The following ITGB3 variants were observed in gnomAD, a reference collection of about 807,000 sequenced individuals.
The protein encoded by ITGB3 is integrin subunit beta 3, also known as integrin beta-3.
In ITGB3, 48 loss-of-function variants were observed where a neutral mutation model predicts 85.8. The ratio of observed to expected loss-of-function variants is 0.56; its 90% CI spans 0.44 to 0.71. The LOEUF (loss-of-function observed/expected upper bound fraction) is 0.71, where lower values mean the gene tolerates loss of function less well. Ranked by LOEUF, ITGB3 falls within the 30% of genes least tolerant of loss-of-function variation. ITGB3 has a pLI of 0.00. For missense variants in ITGB3, 861 were observed against 1,019.1 expected (o/e 0.84, Z 2.11); for synonymous variants, 363 against 395.6 (o/e 0.92, Z 0.98).
At chr17:47,261,525 T>C (rs928522996) in intron 1 of ITGB3, among the ~76,000 whole-genome samples, 1 of 150,090 alleles carries the variant, frequency 6.7e-6, no homozygotes, top group Non-Finnish European at 1.5e-5. Context: ...TTGTCTTTTT[T>C]TTTTTTTTTT....
intron 13 of ITGB3, chr17:47,305,656 C>T (rs1465118116): frequency 6.6e-6 from 1 of 152,138 alleles, no homozygotes; most frequent in Admixed American, 6.5e-5. Flanking sequence ...TTTTAGATGA[C>T]TAAGTATTTT....
intron 14 of ITGB3, among the ~76,000 whole-genome samples, chr17:47,309,466 C>T (rs552024964): frequency 5.4e-4 from 83 of 152,304 alleles, no homozygotes; most frequent in African/African-American, 1.7e-3. Context: ...TCCACATCTC[C>T]TATCACTGTC....
chr17:47,277,278 G>A (rs1034114459), intron 2 of ITGB3, among the ~76,000 whole-genome samples: 2 of 152,142 alleles, frequency 1.3e-5, no homozygotes, highest in African/African-American at 4.8e-5. Context: ...TGCCTGAGGT[G>A]CTTGTTAAAA....
chr17:47,309,228 T>TC (rs915651783), intron 14 of ITGB3, among the ~76,000 whole-genome samples: 1 of 151,436 alleles, frequency 6.6e-6, no homozygotes, highest in African/African-American at 2.4e-5. Context: ...TGTATTTTTT[T>TC]CCCTTGTAGA....
chr17:47,274,611 T>C (rs1261772168), intron 2 of ITGB3, 107 bp downstream of exon 2: 11 of 933,786 alleles, frequency 1.2e-5, no homozygotes, highest in Non-Finnish European at 1.9e-5. Context: ...ATGCCCCTTA[T>C]CCCTTCTAAG....
In ITGB3 at chr17:47,311,860, TTTAA is replaced by T. The variant is rs1405249199; in HGVS notation, c.*1661_*1664del. On this transcript the variant is annotated 3_prime_UTR_variant, in exon 15 of 15. Coordinates refer to ENST00000559488, the MANE Select transcript of ITGB3 (RefSeq NM_000212.3). The stretch of plus-strand genomic sequence containing the variant: ...GCCTCAGTGTTACAGCTAAATAATC[TTTAA>T]TTAAGGCAAGTCACTTTCTTCTTCT... The T allele has an allele frequency of 3.3e-5, 5 of 152,266 alleles. No individual in the cohort carries two copies. Among genetic ancestry groups the T allele is most frequent in the African/African-American group, 1.2e-4 (5 of 41,480 alleles). 9.4% of individuals were successfully genotyped at this position (152,266 alleles called of 1,614,324 possible).
chr17:47,289,804 T>A (rs1463664055), intron 7 of ITGB3, 28 bp downstream of exon 7: 3 of 1,547,052 alleles, frequency 1.9e-6, no homozygotes, highest in African/African-American at 2.7e-5. Context: ...CTTCCTGGAG[T>A]GGGCCCTGTG....
Position 47,287,055 on chromosome 17 carries a change from GTTTTC to G in ITGB3, c.778-10_778-6del. On this transcript the variant is annotated splice_polypyrimidine_tract_variant and intron_variant, in intron 5 of 14. Transcript: ENST00000559488. The stretch of plus-strand genomic sequence containing the variant: ...TTTGTCTCCTCTGCCTTTGTTTTTT[GTTTTC>G]TTTTAACAGGAAAAGATTGGCTGGA... 2 of 1,612,582 alleles carry G rather than the reference GTTTTC, an allele frequency of 1.2e-6. No homozygotes were observed. The highest frequency in any genetic ancestry group is 1.7e-6 in the Non-Finnish European group (2 of 1,179,720).
At chr17:47,301,634 G>A (rs2065167612) in intron 12 of ITGB3, among the ~76,000 whole-genome samples, 1 of 152,112 alleles carries the variant, frequency 6.6e-6, no homozygotes, top group South Asian at 2.1e-4. Flanking sequence ...CCCTCTACCT[G>A]TGGTATTATA....
chr17:47,295,146 T>C (rs1371168741), intron 10 of ITGB3, among the ~76,000 whole-genome samples: 1 of 152,126 alleles, frequency 6.6e-6, no homozygotes, highest in Non-Finnish European at 1.5e-5. Context: ...CAACATGAGG[T>C]TGAATCTGAC....
chr17:47,285,219 CTTAT>C (rs1293419796), intron 4 of ITGB3, among the ~76,000 whole-genome samples: 2 of 152,160 alleles, frequency 1.3e-5, no homozygotes, highest in African/African-American at 2.4e-5. Flanking sequence ...AACTGAATGG[CTTAT>C]TTATTTAATC....
intron 14 of ITGB3, among the ~76,000 whole-genome samples, chr17:47,308,665 C>T (rs1012488673): frequency 6.6e-6 from 1 of 152,128 alleles, no homozygotes; most frequent in Non-Finnish European, 1.5e-5. Context: ...CTGTGCCCAG[C>T]TATTTTTTGT....
At chr17:47,293,216 A>G (rs7217710) in intron 10 of ITGB3, among the ~76,000 whole-genome samples, 46,927 of 151,968 alleles carry the variant, frequency 0.31, 7,492 homozygotes, top group East Asian at 0.52. Flanking sequence ...TGGGGATTAT[A>G]ATTTTAAGTC....
At chr17:47,272,056 ATTTTTTT>A (rs58156465) in intron 1 of ITGB3, among the ~76,000 whole-genome samples, 1 of 103,322 alleles carries the variant, frequency 9.7e-6, no homozygotes, top group Non-Finnish European at 2.0e-5. Context: ...CACCGGGGCT[ATTTTTTT>A]TTTTTTTTTT....
At chr17:47,258,522 CA>C (rs922474065) in intron 1 of ITGB3, among the ~76,000 whole-genome samples, 26 of 151,848 alleles carry the variant, frequency 1.7e-4, no homozygotes, top group African/African-American at 6.0e-4. Context: ...TGAATTTTGA[CA>C]AATGCATATA....
At chr17:47,271,927 G>A (rs2065045314) in intron 1 of ITGB3, among the ~76,000 whole-genome samples, 1 of 142,522 alleles carries the variant, frequency 7.0e-6, no homozygotes, top group Admixed American at 6.8e-5. Flanking sequence ...CTAATTTTTT[G>A]TATTTTTAAT....
At chr17:47,292,080 A>G (rs2065128533) in intron 9 of ITGB3, 59 bp from the exon 10 acceptor site, 1 of 1,571,296 alleles carries the variant, frequency 6.4e-7, no homozygotes, top group South Asian at 1.1e-5. Context: ...TTTTTCCTCC[A>G]GAGCTGGAGT....
Position 47,253,882 on chromosome 17 carries a change from C to G in ITGB3, c.21C>G (p.Pro7=). Residue 7 remains proline (P), a synonymous_variant, in exon 1 of 15, where the codon CCC becomes CCG. Transcript: ENST00000559488. The part of the protein sequence containing the change: MRARPR[P]RPLWATVLAL... ...ACGAGATGCGAGCGCGGCCGCGGCC[C>G]CGGCCGCTCTGGGCGACTGTGCTGG... 2 of 1,275,338 alleles carry G rather than the reference C, an allele frequency of 1.6e-6. No individual in the cohort carries two copies. Among genetic ancestry groups the G allele is most frequent in the Non-Finnish European group, 2.0e-6 (2 of 1,010,134 alleles). 79.0% of individuals were successfully genotyped at this position (1,275,338 alleles called of 1,614,324 possible).
chr17:47,291,445 T>C (rs1479343877), intron 9 of ITGB3: 2 of 479,058 alleles, frequency 4.2e-6, no homozygotes, highest in Admixed American at 7.7e-5. Context: ...ATACCTTTCT[T>C]TTGTAAAACG....
Sources: allele counts gnomAD v4.1 joint callset (sites outside exome capture counted in the v4.1 genomes callset), GRCh38; gene constraint gnomAD v4.1.1; transcripts MANE v1.5; gene names NCBI Gene and HGNC (gene_info 2026-07-23, HGNC 2026-07-21).